The following INPP4B variants were observed in gnomAD, a reference collection of about 807,000 sequenced individuals.
INPP4B encodes the protein inositol polyphosphate-4-phosphatase type II B, also known as inositol polyphosphate 4-phosphatase type II.
A neutral mutation model predicts 122.5 loss-of-function variants in INPP4B; 55 were observed. That is an observed-to-expected ratio of 0.45 (90% CI 0.36 to 0.56). The LOEUF is 0.56. Among genes scored for constraint, INPP4B ranks in the 20% least tolerant of loss-of-function variants. INPP4B has a pLI of 0.00. For missense variants in INPP4B, 1,000 were observed against 1,097.7 expected, an observed-to-expected ratio of 0.91 and a Z score of 1.26; for synonymous variants, 403 against 388.7, an observed-to-expected ratio of 1.04 and a Z score of -0.43.
intron 14 of INPP4B, among the ~76,000 whole-genome samples, chr4:142,204,843 C>T (rs1206650173): frequency 6.6e-6 from 1 of 152,024 alleles, no homozygotes; most frequent in Non-Finnish European, 1.5e-5. Flanking sequence ...GCCCTGATGA[C>T]ATTTTGATTT....
intron 1 of INPP4B, among the ~76,000 whole-genome samples, chr4:142,826,417 G>A: frequency 6.6e-6 from 1 of 151,936 alleles, no homozygotes. Context: ...TTTGCCTGGT[G>A]TCCTCAAATC....
At chr4:142,224,437 T>C (rs944728706) in intron 12 of INPP4B, among the ~76,000 whole-genome samples, 6 of 152,180 alleles carry the variant, frequency 3.9e-5, no homozygotes, top group East Asian at 1.9e-4. Context: ...ATTTAAATTA[T>C]AGTCACAAAA....
Position 142,122,210 on chromosome 4 carries a change from C to T in INPP4B, c.2053G>A (p.Gly685Ser). 6.2e-7 allele frequency: 1 copy of T among 1,611,612 alleles called. No individual in the cohort carries two copies. Among genetic ancestry groups the T allele is most frequent in the Non-Finnish European group, 8.5e-7 (1 of 1,178,866 alleles). ...GCAACTTTCTTTAAATCGGAAATGC[C>T]AACGGCCATGTCCTCTAGCATTCCA... ...EIGMLEDMAV[G>S]ISDLKKVAFK... The change falls in exon 21 of 26, where the codon GGC (glycine) becomes AGC (serine). Residue 685 changes from glycine to serine, a missense_variant. Gly to Ser is a moderately conservative substitution (Grantham distance 56). Coordinates refer to ENST00000262992, the MANE Select transcript of INPP4B (RefSeq NM_001101669.3).
intron 2 of INPP4B, among the ~76,000 whole-genome samples, chr4:142,590,845 C>T (rs1181160425): frequency 7.0e-6 from 1 of 143,860 alleles, no homozygotes; most frequent in Non-Finnish European, 1.5e-5. Flanking sequence ...CAAAGCACAG[C>T]CAGTGCCAGA....
intron 5 of INPP4B, among the ~76,000 whole-genome samples, chr4:142,408,792 A>C (rs1803987491): frequency 6.6e-6 from 1 of 152,136 alleles, no homozygotes; most frequent in Admixed American, 6.5e-5. Context: ...TCATCAGTAG[A>C]TTTTTAATTT....
chr4:142,448,821 TAA>T (rs1275929862), intron 3 of INPP4B, among the ~76,000 whole-genome samples: 1 of 152,058 alleles, frequency 6.6e-6, no homozygotes, highest in Non-Finnish European at 1.5e-5. Flanking sequence ...AATAAATAAA[TAA>T]AGTTTCAGGA....
At position 142,708,515 on chromosome 4, in the gene INPP4B, A is replaced by T. The variant is rs1005830307; in HGVS notation, c.-191+17324T>A. On this transcript the variant is annotated intron_variant, in intron 2 of 25. Coordinates refer to ENST00000262992, the MANE Select transcript of INPP4B (RefSeq NM_001101669.3). Reference sequence around the variant, plus strand: ...GCAACCTCAGGACACTGCTGTCTGCATCCCAGCCACTCCAGCTCCACCTGT... The same window carrying T: ...GCAACCTCAGGACACTGCTGTCTGCTTCCCAGCCACTCCAGCTCCACCTGT... 2.6e-5 allele frequency among the ~76,000 whole-genome samples: 4 copies of T among 152,100 alleles called. 1 individual carries two copies. The highest frequency in any genetic ancestry group is 5.9e-5 in the Non-Finnish European group (4 of 68,020).
At chr4:142,225,591 C>A (rs1362471396) in intron 12 of INPP4B, among the ~76,000 whole-genome samples, 1 of 150,044 alleles carries the variant, frequency 6.7e-6, no homozygotes, top group Admixed American at 6.7e-5. Flanking sequence ...GCTTTAAGTT[C>A]ATTGTTTGGA....
intron 16 of INPP4B, among the ~76,000 whole-genome samples, chr4:142,164,203 A>C (rs1821547468): frequency 6.6e-6 from 1 of 151,870 alleles, no homozygotes; most frequent in South Asian, 2.1e-4. Flanking sequence ...AATGAAGAGA[A>C]TTTCTAGTTT....
At chr4:142,363,286 G>C (rs1044932519) in intron 7 of INPP4B, among the ~76,000 whole-genome samples, 6 of 151,638 alleles carry the variant, frequency 4.0e-5, no homozygotes, top group African/African-American at 1.2e-4. Context: ...AATTTCAAGG[G>C]CTACTCCTCC....
intron 3 of INPP4B, among the ~76,000 whole-genome samples, chr4:142,434,209 G>A (rs1020877197): frequency 1.3e-5 from 2 of 152,130 alleles, no homozygotes; most frequent in Non-Finnish European, 2.9e-5. Context: ...GTACCTGGAT[G>A]GTCAAATTCC....
intron 11 of INPP4B, among the ~76,000 whole-genome samples, chr4:142,258,190 A>G (rs996228999): frequency 3.3e-5 from 5 of 152,324 alleles, no homozygotes; most frequent in African/African-American, 1.2e-4. Context: ...TATACCTTAT[A>G]CAAAAATCAA....
At chr4:142,419,271 T>C (rs1248260603) in intron 5 of INPP4B, among the ~76,000 whole-genome samples, 1 of 152,134 alleles carries the variant, frequency 6.6e-6, no homozygotes. Flanking sequence ...TAGAAAGCTC[T>C]GTGGAAAAGT....
At chr4:142,379,896 T>TA (rs1358389630) in intron 7 of INPP4B, among the ~76,000 whole-genome samples, 2 of 152,182 alleles carry the variant, frequency 1.3e-5, no homozygotes, top group Non-Finnish European at 2.9e-5. Context: ...CCAGGAATGC[T>TA]ACTGTGTAGG....
At chr4:142,806,909 T>C (rs1778938809) in intron 1 of INPP4B, among the ~76,000 whole-genome samples, 1 of 151,946 alleles carries the variant, frequency 6.6e-6, no homozygotes, top group South Asian at 2.1e-4. Context: ...ACATGAAGTC[T>C]CCCTAGAGCT....
chr4:142,183,062 G>A (rs531394160), intron 15 of INPP4B, among the ~76,000 whole-genome samples: 9 of 152,208 alleles, frequency 5.9e-5, no homozygotes, highest in Non-Finnish European at 8.8e-5. Context: ...CCAGCCTAAC[G>A]TCCTTTCATA....
intron 12 of INPP4B, among the ~76,000 whole-genome samples, chr4:142,216,171 A>G (rs1847165939): frequency 6.6e-6 from 1 of 152,096 alleles, no homozygotes; most frequent in African/African-American, 2.4e-5. Context: ...TTCCTGGAAA[A>G]TCCACCCCCT....
intron 2 of INPP4B, among the ~76,000 whole-genome samples, chr4:142,586,810 T>C (rs1464367933): frequency 2.0e-5 from 3 of 152,010 alleles, no homozygotes; most frequent in African/African-American, 4.8e-5. Flanking sequence ...AGGAGTGATA[T>C]TTAGGGTGAT....
intron 11 of INPP4B, among the ~76,000 whole-genome samples, chr4:142,255,607 A>C (rs1382958878): frequency 6.6e-6 from 1 of 152,230 alleles, no homozygotes; most frequent in Non-Finnish European, 1.5e-5. Flanking sequence ...GCGACAAAGA[A>C]GGCCATTACA....
Sources: gnomAD v4.1 joint callset for allele counts (sites outside exome capture counted in the v4.1 genomes callset) on GRCh38, gnomAD v4.1.1 for gene constraint, MANE v1.5 for transcripts, NCBI Gene and HGNC (gene_info 2026-07-23, HGNC 2026-07-21) for gene names.